The following FREM2 variants were observed in gnomAD, a reference collection of about 807,000 sequenced individuals.
FREM2 encodes FRAS1-related extracellular matrix protein 2.
FREM2 carries 119 observed loss-of-function variants against 219.9 expected under a neutral mutation model. The ratio of observed to expected loss-of-function variants is 0.54; its 90% CI spans 0.47 to 0.63. FREM2 has a LOEUF of 0.63. Ranked by LOEUF, FREM2 falls within the 30% of genes least tolerant of loss-of-function variation. The pLI is 0.00. For missense variants in FREM2, 4,030 were observed against 3,993.6 expected (o/e 1.01, Z -0.25); for synonymous variants, 1,562 against 1,522.8 (o/e 1.03, Z -0.60).
chr13:38,762,736 C>T (rs1404650677), intron 2 of FREM2, among the ~76,000 whole-genome samples: 1 of 152,082 alleles, frequency 6.6e-6, no homozygotes, highest in East Asian at 1.9e-4. Context: ...CGCCCGGCCC[C>T]AATCTATTTA....
intron 6 of FREM2, among the ~76,000 whole-genome samples, chr13:38,822,539 C>G (rs1444765979): frequency 6.6e-6 from 1 of 151,870 alleles, no homozygotes; most frequent in Non-Finnish European, 1.5e-5. Context: ...GCCTGTGGGT[C>G]TAGCGTGCAC....
chr13:38,875,281 G>T (rs771577625), intron 18 of FREM2, among the ~76,000 whole-genome samples: 39 of 151,820 alleles, frequency 2.6e-4, no homozygotes, highest in Middle Eastern at 3.2e-3. Context: ...GCTTATATTA[G>T]ATTGGGAAAG....
intron 15 of FREM2, among the ~76,000 whole-genome samples, chr13:38,863,071 G>T (rs1367253807): frequency 6.6e-6 from 1 of 151,460 alleles, no homozygotes; most frequent in African/African-American, 2.4e-5. Flanking sequence ...TTTTTTTGAG[G>T]CAGAGTCTCA....
In FREM2 at chr13:38,690,467, A is replaced by C. The variant is rs759621722; in HGVS notation, c.3123A>C (p.Gln1041His). The stretch of plus-strand genomic sequence containing the variant: ...ACCTGAGTCTGTCAGATATGTCTCA[A>C]GAATGGAGAATTGGTGGCAATACTA... Reference protein sequence around the residue: ...SFNLSLSDMSQEWRIGGNTIQ... With the variant: ...SFNLSLSDMSHEWRIGGNTIQ... The change falls in exon 1 of 24, where the codon CAA (glutamine) becomes CAC (histidine). Residue 1041 changes from glutamine (Q) to histidine (H), a missense_variant. Physicochemically the swap from Gln to His is conservative, Grantham distance 24. Transcript: ENST00000280481. The C allele has an allele frequency of 6.2e-7, 1 of 1,614,238 alleles. No individual in the cohort carries two copies. The highest frequency in any genetic ancestry group is 1.1e-5 in the South Asian group (1 of 91,088).
Position 38,688,533 on chromosome 13 carries a change from C to A in FREM2, c.1189C>A (p.Pro397Thr), listed in dbSNP as rs770243383. 3 of 1,613,874 alleles carry A rather than the reference C, an allele frequency of 1.9e-6. No individual in the cohort carries two copies. The highest frequency in any genetic ancestry group is 2.5e-6 in the Non-Finnish European group (3 of 1,179,908). Residue 397 changes from proline (P) to threonine (T), a missense_variant, in exon 1 of 24, where the codon CCC (proline) becomes ACC (threonine). Pro to Thr is a conservative substitution (Grantham distance 38). This residue lies in a region of FREM2 where 3,102 missense variants were observed against 2,950.7 expected (regional missense o/e 1.05). Coordinates refer to ENST00000280481, the MANE Select transcript of FREM2 (RefSeq NM_207361.6). The part of the protein sequence containing the change: ...DLRLLKIAYQ[P>T]PSEDSDQERL... The stretch of plus-strand genomic sequence containing the variant: ...GCGGCTCCTGAAGATTGCCTACCAG[C>A]CCCCTTCTGAAGACTCTGACCAGGA...
At chr13:38,857,595 AT>A (rs1410631415) in intron 12 of FREM2, among the ~76,000 whole-genome samples, 1 of 152,204 alleles carries the variant, frequency 6.6e-6, no homozygotes, top group African/African-American at 2.4e-5. Context: ...AGAAAAAAAA[AT>A]AAATTAGAGC....
At position 38,848,571 on chromosome 13, in the gene FREM2, G is replaced by C; in HGVS notation, c.6280G>C (p.Gly2094Arg). 1 of 1,614,066 alleles carries C rather than the reference G, an allele frequency of 6.2e-7. No homozygotes were observed. The highest frequency in any genetic ancestry group is 8.5e-7 in the Non-Finnish European group (1 of 1,179,976). The change falls in exon 8 of 24, where the codon GGA (glycine) becomes CGA (arginine). Residue 2094 changes from glycine to arginine, a missense_variant. Transcript: ENST00000280481. ...TGACCTTGGACAACCAGCGCTGGAG[G>C]GAATTGAGAAATTTGAACTGGTGCT... ...LDDLGQPALE[G>R]IEKFELVLRM...
chr13:38,699,467 G>A (rs1446747885), intron 2 of FREM2, among the ~76,000 whole-genome samples: 1 of 152,096 alleles, frequency 6.6e-6, no homozygotes, highest in Non-Finnish European at 1.5e-5. Flanking sequence ...ATGACTAGCT[G>A]AAGGGGCTCG....
rs748384790 is a variant in FREM2, at chr13:38,784,701, A to T, written c.5912A>T (p.Tyr1971Phe). The T allele has an allele frequency of 6.2e-7, 1 of 1,614,180 alleles. No homozygotes were observed. Among genetic ancestry groups the T allele is most frequent in the Non-Finnish European group, 8.5e-7 (1 of 1,180,014 alleles). ...CRIVIIDDSLYEEEETFHVLL... is the reference protein window; with the variant it reads ...CRIVIIDDSLFEEEETFHVLL... ...ATAGTCATAATTGATGACTCTTTGTACGAGGAGGAGGAAACCTTCCATGTC... is the reference window on the plus strand; with the variant it reads ...ATAGTCATAATTGATGACTCTTTGTTCGAGGAGGAGGAAACCTTCCATGTC... Residue 1971 changes from tyrosine (Y) to phenylalanine (F), a missense_variant, in exon 6 of 24, where the codon TAC becomes TTC. Tyr to Phe is a conservative substitution (Grantham distance 22, BLOSUM62 3). Transcript: ENST00000280481.
At chr13:38,753,973 TTTTTATTTTA>T (rs10661426) in intron 2 of FREM2, among the ~76,000 whole-genome samples, 3 of 148,380 alleles carry the variant, frequency 2.0e-5, no homozygotes, top group Non-Finnish European at 4.4e-5. Context: ...TTTATTTTAT[TTTTTATTTTA>T]TTTTATTTTA....
At chr13:38,836,126 A>G (rs1006395718) in intron 6 of FREM2, among the ~76,000 whole-genome samples, 1 of 152,132 alleles carries the variant, frequency 6.6e-6, no homozygotes, top group African/African-American at 2.4e-5. Context: ...ATCAATACCT[A>G]GTTTATTGAG....
In FREM2 at chr13:38,687,086, G is replaced by A. The variant is rs1593338306; in HGVS notation, c.-259G>A. 1.7e-6 allele frequency: 1 copy of A among 579,874 alleles called. No homozygotes were observed. The highest frequency in any genetic ancestry group is 2.9e-5 in the East Asian group (1 of 34,910). 35.9% of individuals were successfully genotyped at this position (579,874 alleles called of 1,614,324 possible). On this transcript the variant is annotated 5_prime_UTR_variant, in exon 1 of 24. Transcript: ENST00000280481. ...CGGGGACCTGGAAAGTAGAAGTGGA[G>A]GGATTCAATTCTCCGCGCGATTGAG... is the stretch of plus-strand genomic sequence containing the variant.
At position 38,689,510 on chromosome 13, in the gene FREM2, G is replaced by A. The variant is rs375112644; in HGVS notation, c.2166G>A (p.Arg722=). 3.1e-6 allele frequency: 5 copies of A among 1,613,968 alleles called. No individual in the cohort carries two copies. The African/African-American group carries it at 5.3e-5, about 17-fold the overall frequency. The change falls in exon 1 of 24, where the codon AGG becomes AGA. Residue 722 remains arginine (R), a synonymous_variant. Coordinates refer to ENST00000280481, the MANE Select transcript of FREM2 (RefSeq NM_207361.6). ...AGGAATCCCAGCTCACACCACTGAG[G>A]AAGAAGTGGCTGCGCTACACTGACC... ...VVQESQLTPL[R]KKWLRYTDLD... is the part of the protein sequence containing the mutation.
intron 6 of FREM2, among the ~76,000 whole-genome samples, chr13:38,816,723 C>T (rs1270415473): frequency 5.9e-5 from 9 of 151,920 alleles, no homozygotes; most frequent in Admixed American, 6.6e-5. Context: ...AAGACCTAGC[C>T]GGAGCAATTA....
chr13:38,865,383 T>C (rs985250651), intron 16 of FREM2, among the ~76,000 whole-genome samples: 2 of 152,190 alleles, frequency 1.3e-5, no homozygotes, highest in Admixed American at 1.3e-4. Context: ...TGATTTAAAA[T>C]TGTTATGAGT....
chr13:38,771,870 G>A (rs1873677912), intron 4 of FREM2, among the ~76,000 whole-genome samples: 1 of 152,132 alleles, frequency 6.6e-6, no homozygotes. Context: ...ATAAGAAAAA[G>A]TAATAATTAT....
Position 38,769,769 on chromosome 13 carries a change from C to G in FREM2, c.5602C>G (p.Pro1868Ala). The stretch of plus-strand genomic sequence containing the variant: ...GCCCGTGCTGGCTGCCTTGGAATTC[C>G]CCACAGTCGCCACTGTTGAGATCGT... ...SEPVLAALEF[P>A]TVATVEIVDP... The change falls in exon 4 of 24, where the codon CCC becomes GCC. Residue 1868 changes from proline (P) to alanine (A), a missense_variant. Transcript: ENST00000280481. The G allele has an allele frequency of 1.2e-6, 2 of 1,614,030 alleles. No homozygotes were observed. The highest frequency in any genetic ancestry group is 1.7e-6 in the Non-Finnish European group (2 of 1,179,966).
intron 2 of FREM2, among the ~76,000 whole-genome samples, chr13:38,747,391 TA>T (rs1489022694): frequency 1.2e-4 from 11 of 90,056 alleles, no homozygotes; most frequent in Non-Finnish European, 1.9e-4. Flanking sequence ...AAAGCTGATA[TA>T]ATATGTGTGT....
At chr13:38,766,505 C>CA (rs1691336612) in intron 3 of FREM2, among the ~76,000 whole-genome samples, 1 of 152,168 alleles carries the variant, frequency 6.6e-6, no homozygotes, top group Admixed American at 6.6e-5. Context: ...AGGGTAGCCT[C>CA]ATACAAGTTT....
Sources: allele counts gnomAD v4.1 joint callset (sites outside exome capture counted in the v4.1 genomes callset), GRCh38; gene constraint gnomAD v4.1.1; regional missense constraint gnomAD v4.1.1; transcripts MANE v1.5; gene names NCBI Gene and HGNC (gene_info 2026-07-23, HGNC 2026-07-21).